CBLN2: variants seen among roughly 807,000 people sequenced by gnomAD.
CBLN2 encodes the protein cerebellin-2.
In CBLN2, 7 loss-of-function variants were observed where a neutral mutation model predicts 15.0. The observed-to-expected ratio is 0.47, with a 90% CI of 0.27 to 0.88. The LOEUF (loss-of-function observed/expected upper bound fraction) is 0.88. Among genes scored for constraint, CBLN2 ranks in the 40% least tolerant of loss-of-function variants. CBLN2 has a pLI of 0.14. For missense variants in CBLN2, 242 were observed against 304.5 expected (o/e 0.79, Z 1.53); for synonymous variants, 149 against 135.2 (o/e 1.10, Z -0.71).
chr18:72,541,997 G>A lies in CBLN2; in HGVS notation c.164C>T (p.Thr55Met), dbSNP rs1214662699. ...ACCPVRAQNDTEPIVLEGKCL... is the reference protein window; with the variant it reads ...ACCPVRAQNDMEPIVLEGKCL... ...CTTGCCCTCCAGCACGATGGGCTCC[G>A]TGTCGTTCTGCGCCCGCACGGGGCA... Residue 55 changes from threonine (T) to methionine (M), a missense_variant, in exon 3 of 5, where the codon ACG becomes ATG. Around this residue, in one of 4 missense-constraint regions of CBLN2, gnomAD observed 96 missense variants for 83.8 expected, o/e 1.15. Coordinates refer to ENST00000269503, the MANE Select transcript of CBLN2 (RefSeq NM_182511.4). 1 of 1,603,134 alleles carries A rather than the reference G, an allele frequency of 6.2e-7. No homozygotes were observed.
intron 1 of CBLN2, among the ~76,000 whole-genome samples, chr18:72,582,582 T>C (rs2069413362): frequency 6.6e-6 from 1 of 152,160 alleles, no homozygotes; most frequent in Non-Finnish European, 1.5e-5. Flanking sequence ...ATGCATGAGT[T>C]GTGCTGTGCC....
chr18:72,617,704 A>G (rs2069671447), intron 1 of CBLN2, among the ~76,000 whole-genome samples: 1 of 152,164 alleles, frequency 6.6e-6, no homozygotes, highest in Admixed American at 6.5e-5. Context: ...ATGCTGTGAA[A>G]TGCTGGCGTG....
At chr18:72,601,719 C>T (rs1004123659) in intron 1 of CBLN2, among the ~76,000 whole-genome samples, 1 of 152,136 alleles carries the variant, frequency 6.6e-6, no homozygotes, top group Non-Finnish European at 1.5e-5. Context: ...GCGTCCCCAC[C>T]CCATTTTGCA....
intron 1 of CBLN2, among the ~76,000 whole-genome samples, chr18:72,599,539 T>G (rs1183771642): frequency 6.6e-6 from 1 of 152,146 alleles, no homozygotes; most frequent in Non-Finnish European, 1.5e-5. Context: ...TTTTGTGGAG[T>G]TTTTTAAAAA....
At chr18:72,605,624 G>A (rs1330781767) in intron 1 of CBLN2, among the ~76,000 whole-genome samples, 3 of 152,216 alleles carry the variant, frequency 2.0e-5, no homozygotes, top group African/African-American at 7.2e-5. Flanking sequence ...TTTAGGGAAT[G>A]TTTTCCAAGG....
At chr18:72,621,241 G>T (rs1408198563) in intron 1 of CBLN2, among the ~76,000 whole-genome samples, 1 of 152,148 alleles carries the variant, frequency 6.6e-6, no homozygotes, top group Non-Finnish European at 1.5e-5. Flanking sequence ...ATATCTTCTA[G>T]ATCAGTGGTT....
At chr18:72,601,854 T>C (rs2069550618) in intron 1 of CBLN2, among the ~76,000 whole-genome samples, 1 of 152,194 alleles carries the variant, frequency 6.6e-6, no homozygotes, top group Non-Finnish European at 1.5e-5. Context: ...ATGTTACTGT[T>C]GAGCTGCTTC....
chr18:72,547,125 C>CAG (rs1003130462), upstream of CBLN2, among the ~76,000 whole-genome samples: 5 of 134,612 alleles, frequency 3.7e-5, no homozygotes, highest in African/African-American at 1.1e-4. Context: ...CACACACACA[C>CAG]ACACACACAC....
At chr18:72,595,230 C>T (rs2144935401) in intron 1 of CBLN2, among the ~76,000 whole-genome samples, 1 of 151,830 alleles carries the variant, frequency 6.6e-6, no homozygotes, top group Non-Finnish European at 1.5e-5. Context: ...CATTGTGTTT[C>T]CATTTTCATT....
chr18:72,568,351 C>T (rs73478264), intron 1 of CBLN2, among the ~76,000 whole-genome samples: 5 of 152,202 alleles, frequency 3.3e-5, no homozygotes, highest in South Asian at 2.1e-4. Context: ...GTGCTGGAGC[C>T]GAGAAGCATC....
chr18:72,559,334 A>G (rs2069245747), intron 1 of CBLN2, among the ~76,000 whole-genome samples: 1 of 152,170 alleles, frequency 6.6e-6, no homozygotes. Context: ...TGTGGAGTCC[A>G]TGTGAAGTCA....
chr18:72,545,694 A>C (rs2069153041), upstream of CBLN2, among the ~76,000 whole-genome samples: 1 of 152,240 alleles, frequency 6.6e-6, no homozygotes, highest in South Asian at 2.1e-4. Context: ...AAGCATAGAT[A>C]GCAAAGAACA....
chr18:72,586,257 TC>T (rs2069442552), intron 1 of CBLN2, among the ~76,000 whole-genome samples: 1 of 152,246 alleles, frequency 6.6e-6, no homozygotes, highest in African/African-American at 2.4e-5. Context: ...TTGTTTCCTC[TC>T]TCCCTTTTCC....
At chr18:72,614,439 C>T (rs990498315) in intron 1 of CBLN2, among the ~76,000 whole-genome samples, 1 of 152,018 alleles carries the variant, frequency 6.6e-6, no homozygotes, top group Non-Finnish European at 1.5e-5. Flanking sequence ...TTATTTAATT[C>T]AACAGAATTG....
intron 1 of CBLN2, among the ~76,000 whole-genome samples, chr18:72,554,993 A>G (rs145888092): frequency 2.1e-3 from 313 of 152,084 alleles, no homozygotes; most frequent in African/African-American, 7.1e-3. Context: ...AAAATTAGCC[A>G]GCATGGTGGC....
rs1481770765 is a variant in CBLN2 at position 72,591,942 on chromosome 18, T to G, written c.15+46383A>C. Among the ~76,000 whole-genome samples, 6 of 152,296 alleles carry G rather than the reference T, an allele frequency of 3.9e-5. No homozygotes were observed. The East Asian group carries it at 9.6e-4, about 24-fold the overall frequency. On this transcript the variant is annotated intron_variant, in intron 1 of 2. Coordinates refer to the CBLN2 transcript ENST00000581073. Reference sequence around the variant, plus strand: ...CCTTCCAAATACTGTCTATTGTGAATAGTGCTGCAATAAACATAGGCGTAT... The same window carrying G: ...CCTTCCAAATACTGTCTATTGTGAAGAGTGCTGCAATAAACATAGGCGTAT...
intron 1 of CBLN2, among the ~76,000 whole-genome samples, chr18:72,635,838 G>A (rs945066780): frequency 6.6e-6 from 1 of 152,054 alleles, no homozygotes; most frequent in Non-Finnish European, 1.5e-5. Flanking sequence ...TAAATAAAGT[G>A]TCAGGGATCA....
chr18:72,634,866 A>C (rs1245117991), intron 1 of CBLN2, among the ~76,000 whole-genome samples: 1 of 152,048 alleles, frequency 6.6e-6, no homozygotes, highest in Non-Finnish European at 1.5e-5. Context: ...GCTTTTGGAG[A>C]TTTGGAAAAT....
In CBLN2 at chr18:72,636,344, A is replaced by G. The variant is rs943060605; in HGVS notation, c.15+1981T>C. ...AACTGATTATTTAGCAAGTCACAAC[A>G]CGGTAAGTTAACGTAACATAGCCAA... On this transcript the variant is annotated intron_variant, in intron 1 of 2. Transcript: ENST00000581073. Among the ~76,000 whole-genome samples the G allele has an allele frequency of 3.3e-5, 5 of 152,202 alleles. No homozygotes were observed. The East Asian group carries it at 9.6e-4, about 29-fold the overall frequency.
Sources: gnomAD v4.1 joint callset for allele counts (sites outside exome capture counted in the v4.1 genomes callset) on GRCh38, gnomAD v4.1.1 for gene constraint, gnomAD v4.1.1 regional missense constraint, MANE v1.5 for transcripts, NCBI Gene and HGNC (gene_info 2026-07-23, HGNC 2026-07-21) for gene names.